The following RPS6KC1 variants were observed in gnomAD, a reference collection of about 807,000 sequenced individuals.
RPS6KC1 encodes ribosomal protein S6 kinase C1, also known as inactive ribosomal protein S6 kinase delta-1.
In RPS6KC1, 54 loss-of-function variants were observed where a neutral mutation model predicts 103.8. The ratio of observed to expected loss-of-function variants is 0.52; its 90% CI spans 0.42 to 0.65. The LOEUF is 0.65. RPS6KC1 is among the 30% of genes least tolerant of loss of function. The pLI, the probability that RPS6KC1 is intolerant of heterozygous loss-of-function variation, is 0.00. For synonymous variants in RPS6KC1, 439 were observed against 438.7 expected (o/e 1.00, Z -0.01); for missense variants, 1,151 against 1,253.8 (o/e 0.92, Z 1.24).
the RPS6KC1 span, among the ~76,000 whole-genome samples, chr1:213,405,521 G>A: frequency 1.2e-4 from 19 of 152,326 alleles, no homozygotes; most frequent in South Asian, 1.2e-3. Context: ...GGGTGGTGTG[G>A]TGGGAGCTTC....
the RPS6KC1 span, among the ~76,000 whole-genome samples, chr1:213,473,417 T>C: frequency 1.3e-5 from 2 of 152,306 alleles, no homozygotes; most frequent in African/African-American, 4.8e-5. Context: ...TTCCCTCAAC[T>C]TAGTTCCTGA....
chr1:213,167,543 G>A (rs2091098266), intron 6 of RPS6KC1, among the ~76,000 whole-genome samples: 1 of 150,574 alleles, frequency 6.6e-6, no homozygotes, highest in African/African-American at 2.4e-5. Context: ...TATAATGTCT[G>A]GACTAGGGCT....
chr1:213,761,259 T>C, the RPS6KC1 span, among the ~76,000 whole-genome samples: 3 of 152,190 alleles, frequency 2.0e-5, no homozygotes, highest in Non-Finnish European at 2.9e-5. Flanking sequence ...GGCAGAGGAA[T>C]GACAATTTAT....
At chr1:213,738,926 G>T in the RPS6KC1 span, among the ~76,000 whole-genome samples, 155 of 150,198 alleles carry the variant, frequency 1.0e-3, 3 homozygotes, top group Non-Finnish European at 2.1e-3. Context: ...GTCTAAGGAA[G>T]GTTTTTTTTT....
chr1:213,531,679 T>C, the RPS6KC1 span, among the ~76,000 whole-genome samples: 9 of 152,208 alleles, frequency 5.9e-5, no homozygotes, highest in Admixed American at 4.6e-4. Flanking sequence ...TATCAAAGTT[T>C]AAAACATTTT....
chr1:213,811,722 G>T, the RPS6KC1 span, among the ~76,000 whole-genome samples: 1 of 152,162 alleles, frequency 6.6e-6, no homozygotes, highest in East Asian at 1.9e-4. Flanking sequence ...TGCCAAGTCG[G>T]GTGTGTAAGA....
the RPS6KC1 span, among the ~76,000 whole-genome samples, chr1:213,485,401 C>T: frequency 6.6e-6 from 1 of 152,008 alleles, no homozygotes; most frequent in Non-Finnish European, 1.5e-5. Context: ...ACTCTCCCAC[C>T]CCTAACCTGC....
At chr1:213,787,600 AG>A in the RPS6KC1 span, among the ~76,000 whole-genome samples, 1 of 152,174 alleles carries the variant, frequency 6.6e-6, no homozygotes, top group Admixed American at 6.6e-5. Flanking sequence ...GATGAGGGAC[AG>A]GGAAGAGTCA....
chr1:213,390,279 A>G, the RPS6KC1 span, among the ~76,000 whole-genome samples: 4 of 152,208 alleles, frequency 2.6e-5, no homozygotes, highest in Non-Finnish European at 5.9e-5. Flanking sequence ...TTCTTTTACA[A>G]TCATATGGCT....
intron 8 of RPS6KC1, among the ~76,000 whole-genome samples, chr1:213,207,158 C>CT (rs764180309): frequency 5.3e-5 from 8 of 152,142 alleles, no homozygotes; most frequent in Non-Finnish European, 2.9e-5. Flanking sequence ...CCAAAATACA[C>CT]TGCTTTGGCA....
chr1:213,071,342 T>A (rs1316565006), intron 2 of RPS6KC1, among the ~76,000 whole-genome samples: 1 of 152,174 alleles, frequency 6.6e-6, no homozygotes, highest in Non-Finnish European at 1.5e-5. Context: ...TTGGCCAGGC[T>A]GGTCTCGAAT....
chr1:213,075,207 A>G (rs745555006), intron 2 of RPS6KC1, among the ~76,000 whole-genome samples: 3 of 152,094 alleles, frequency 2.0e-5, no homozygotes, highest in African/African-American at 7.2e-5. Flanking sequence ...AGTCTTTTGA[A>G]TAACTCATGT....
chr1:213,593,875 C>CT, the RPS6KC1 span, among the ~76,000 whole-genome samples: 7 of 151,808 alleles, frequency 4.6e-5, no homozygotes, highest in Non-Finnish European at 1.0e-4. Context: ...ATTTAATTTT[C>CT]TTTTTTTTGA....
chr1:213,160,882 G>T (rs987482612), intron 6 of RPS6KC1, among the ~76,000 whole-genome samples: 3 of 152,028 alleles, frequency 2.0e-5, no homozygotes, highest in Non-Finnish European at 4.4e-5. Context: ...ATAGCATTAG[G>T]AGAATATCTA....
chr1:213,235,234 C>T (rs2094196704), intron 10 of RPS6KC1, among the ~76,000 whole-genome samples: 1 of 152,166 alleles, frequency 6.6e-6, no homozygotes, highest in African/African-American at 2.4e-5. Context: ...TCTTTCTTTC[C>T]ATTTTTAATT....
chr1:213,838,404 T>A, the RPS6KC1 span, among the ~76,000 whole-genome samples: 1 of 152,258 alleles, frequency 6.6e-6, no homozygotes, highest in Admixed American at 6.5e-5. Flanking sequence ...GAGACAGATA[T>A]GGCTGGCATG....
chr1:213,778,989 T>G, the RPS6KC1 span, among the ~76,000 whole-genome samples: 2 of 152,048 alleles, frequency 1.3e-5, no homozygotes, highest in African/African-American at 2.4e-5. Context: ...TTTGGAGGGG[T>G]CAAGAGAGTG....
the RPS6KC1 span, among the ~76,000 whole-genome samples, chr1:213,741,465 T>A: frequency 6.6e-6 from 1 of 152,068 alleles, no homozygotes; most frequent in Non-Finnish European, 1.5e-5. Context: ...GATCTTTCTA[T>A]AATGGCAAAT....
At chr1:213,183,922 G>A (rs529356691) in intron 8 of RPS6KC1, among the ~76,000 whole-genome samples, 2 of 152,170 alleles carry the variant, frequency 1.3e-5, no homozygotes, top group East Asian at 1.9e-4. Context: ...TTACTGTCAG[G>A]AATGAAACAG....
Sources: allele counts gnomAD v4.1 joint callset (sites outside exome capture counted in the v4.1 genomes callset), GRCh38; gene constraint gnomAD v4.1.1; transcripts MANE v1.5; gene names NCBI Gene and HGNC (gene_info 2026-07-23, HGNC 2026-07-21).